CELF4: variants seen among roughly 807,000 people sequenced by gnomAD.
CELF4 encodes CUG-BP- and ETR-3-like factor 4.
A neutral mutation model predicts 59.9 loss-of-function variants in CELF4; 18 were observed. The ratio of observed to expected loss-of-function variants is 0.30; its 90% CI spans 0.21 to 0.45. CELF4 has a LOEUF of 0.45. Among genes scored for constraint, CELF4 ranks in the 20% least tolerant of loss-of-function variants. The pLI, the probability that CELF4 is intolerant of heterozygous loss-of-function variation, is 1.00. For missense variants in CELF4, 456 were observed against 689.0 expected, an observed-to-expected ratio of 0.66 and a Z score of 3.79; for synonymous variants, 261 against 267.1, an observed-to-expected ratio of 0.98 and a Z score of 0.22.
intron 1 of CELF4, among the ~76,000 whole-genome samples, chr18:37,499,406 G>C (rs190961909): frequency 6.6e-6 from 1 of 152,272 alleles, no homozygotes; most frequent in East Asian, 1.9e-4. Context: ...AGGAAAGTTG[G>C]GGCGTTGCAG....
intron 2 of CELF4, among the ~76,000 whole-genome samples, chr18:37,345,985 G>A (rs571708726): frequency 5.6e-4 from 86 of 152,276 alleles, no homozygotes; most frequent in Non-Finnish European, 1.1e-3. Flanking sequence ...AGCTGGGCAG[G>A]TTACATATAC....
chr18:37,249,496 C>G lies in CELF4; in HGVS notation c.*44+4271G>C, dbSNP rs148747417. Among the ~76,000 whole-genome samples the G allele has an allele frequency of 3.9e-5, 6 of 152,298 alleles. No individual in the cohort carries two copies. The East Asian group carries it at 1.2e-3, about 30-fold the overall frequency. On this transcript the variant is annotated intron_variant, in intron 12 of 12. Transcript: ENST00000420428. ...CACAAACCTGAATAGCACACAGCCC[C>G]TGTCCCTAAAGCTCAATCTAGGGAA...
intron 3 of CELF4, among the ~76,000 whole-genome samples, chr18:37,277,982 G>A (rs2093601907): frequency 6.6e-6 from 1 of 152,176 alleles, no homozygotes; most frequent in South Asian, 2.1e-4. Context: ...CGCCTCTCCT[G>A]ACGTCTGAAT....
intron 1 of CELF4, among the ~76,000 whole-genome samples, chr18:37,491,588 G>A (rs1446272593): frequency 6.6e-6 from 1 of 152,170 alleles, no homozygotes; most frequent in Non-Finnish European, 1.5e-5. Context: ...GTGGGGGAAA[G>A]AGATCCAAGA....
intron 1 of CELF4, among the ~76,000 whole-genome samples, chr18:37,554,726 C>T (rs561768025): frequency 3.9e-5 from 6 of 152,260 alleles, no homozygotes; most frequent in African/African-American, 1.4e-4. Flanking sequence ...CGCCCAGACA[C>T]GGGGGTTCTC....
rs148932979 is a variant in CELF4 at position 37,379,951 on chromosome 18, A to G, written c.370-58070T>C. Among the ~76,000 whole-genome samples the G allele has an allele frequency of 4.6e-5, 7 of 152,128 alleles. No individual in the cohort carries two copies. The East Asian group carries it at 1.4e-3, about 29-fold the overall frequency. ...CTGCTCCGGGGTTCCTCACCCTTAG[A>G]CCCACCCTTCCACTCAGAGGGTGGA... On this transcript the variant is annotated intron_variant, in intron 2 of 12. Transcript: ENST00000420428.
intron 2 of CELF4, among the ~76,000 whole-genome samples, chr18:37,336,939 A>G (rs1236447056): frequency 6.6e-6 from 1 of 151,788 alleles, no homozygotes; most frequent in Non-Finnish European, 1.5e-5. Context: ...CCCGGACCCG[A>G]GGCTTCGGCT....
chr18:37,277,415 G>A (rs76798835), intron 3 of CELF4, among the ~76,000 whole-genome samples: 4,099 of 152,280 alleles, frequency 0.027, 172 homozygotes, highest in African/African-American at 0.093. Context: ...AGGGTTCTGC[G>A]TGCAGCCCTC....
intron 2 of CELF4, among the ~76,000 whole-genome samples, chr18:37,323,175 G>A (rs1400354815): frequency 6.6e-6 from 1 of 152,096 alleles, no homozygotes; most frequent in Non-Finnish European, 1.5e-5. Flanking sequence ...GAAGGGCAGA[G>A]CCGTGGCCGG....
At chr18:37,394,075 G>T (rs2099205785) in intron 2 of CELF4, among the ~76,000 whole-genome samples, 1 of 152,134 alleles carries the variant, frequency 6.6e-6, no homozygotes, top group Non-Finnish European at 1.5e-5. Context: ...TCTGGGCGGC[G>T]CTGGGCTCCG....
chr18:37,565,721 G>T lies in CELF4; in HGVS notation c.-80C>A, dbSNP rs529809001. 19 of 1,222,694 alleles carry T rather than the reference G, an allele frequency of 1.6e-5. No homozygotes were observed. In the African/African-American group the frequency reaches 2.7e-4, roughly 17 times the overall value. The allele number at this position is 1,222,694 out of a possible 1,614,324, so 75.7% of individuals were successfully genotyped here. A position where few individuals can be genotyped will look rare whatever the true frequency, so the allele number is the denominator to read the frequency against. On this transcript the variant is annotated 5_prime_UTR_variant, in exon 1 of 13. Coordinates refer to ENST00000420428, the MANE Select transcript of CELF4 (RefSeq NM_020180.4). ...CTCTCGCTCGCTCGCGCTCACACAC[G>T]CACACGCATACACACACTCGGGTTC...
At chr18:37,474,382 C>T (rs1482182549) in intron 2 of CELF4, among the ~76,000 whole-genome samples, 15 of 152,248 alleles carry the variant, frequency 9.9e-5, no homozygotes, top group Admixed American at 9.8e-4. Context: ...CCCTGCCCCA[C>T]AGGGCCCCCT....
At chr18:37,415,722 G>A (rs1007588029) in intron 2 of CELF4, among the ~76,000 whole-genome samples, 26 of 152,106 alleles carry the variant, frequency 1.7e-4, no homozygotes, top group Non-Finnish European at 1.0e-4. Flanking sequence ...TTCTACCATC[G>A]AATGTGGCAG....
intron 1 of CELF4, among the ~76,000 whole-genome samples, chr18:37,529,854 CCCACA>C (rs2099967667): frequency 6.6e-6 from 1 of 152,152 alleles, no homozygotes; most frequent in Admixed American, 6.5e-5. Context: ...CTGGACTTCA[CCCACA>C]GACATTCTGA....
chr18:37,402,350 G>A (rs538020039), intron 2 of CELF4, among the ~76,000 whole-genome samples: 20 of 152,180 alleles, frequency 1.3e-4, no homozygotes, highest in Non-Finnish European at 2.6e-4. Flanking sequence ...GCTCCTAAAC[G>A]CTCCTATTGC....
At chr18:37,495,992 C>T (rs1034376358) in intron 1 of CELF4, among the ~76,000 whole-genome samples, 1 of 152,112 alleles carries the variant, frequency 6.6e-6, no homozygotes, top group African/African-American at 2.4e-5. Flanking sequence ...TTGGGTCACA[C>T]AGCCAAGCCA....
intron 1 of CELF4, among the ~76,000 whole-genome samples, chr18:37,512,015 AAGAC>A (rs2099944926): frequency 6.6e-6 from 1 of 152,158 alleles, no homozygotes; most frequent in African/African-American, 2.4e-5. Flanking sequence ...GAAAGAAAGA[AAGAC>A]AGAAAAAACC....
rs1600289131 is a variant in CELF4 at position 37,253,996 on chromosome 18, C to A, written c.1334-58G>T. On this transcript the variant is annotated intron_variant, in intron 11 of 12. Coordinates refer to ENST00000420428, the MANE Select transcript of CELF4 (RefSeq NM_020180.4). The surrounding 1 kb of genome is among the most constrained non-coding windows in gnomAD (Gnocchi z 4.5). ...TCCACGGGGCCGCCCGGGGCGCTGC[C>A]GGCGGGGAGGGGTCGGGGGACAGGG... is the stretch of plus-strand genomic sequence containing the variant. The A allele has an allele frequency of 2.3e-6, 1 of 427,570 alleles. No homozygotes were observed. 26.5% of individuals were successfully genotyped at this position (427,570 alleles called of 1,614,324 possible).
intron 2 of CELF4, among the ~76,000 whole-genome samples, chr18:37,462,888 A>G (rs1279439224): frequency 1.3e-5 from 2 of 151,886 alleles, no homozygotes; most frequent in African/African-American, 4.8e-5. Context: ...TCTTCTTCCA[A>G]TGTGGCCCAG....
Sources: allele counts gnomAD v4.1 joint callset (sites outside exome capture counted in the v4.1 genomes callset), GRCh38; gene constraint gnomAD v4.1.1; non-coding constraint Gnocchi (gnomAD v3.1); transcripts MANE v1.5; gene names NCBI Gene and HGNC (gene_info 2026-07-23, HGNC 2026-07-21).